Variants in TBCK observed in about 807,000 individuals in gnomAD.
The protein encoded by TBCK is TBC domain-containing protein kinase-like protein.
Under a neutral mutation model 113.4 loss-of-function variants are expected in TBCK, and 99 were observed. The observed-to-expected ratio is 0.87, with a 90% confidence interval of 0.74 to 1.03. The LOEUF is 1.03. Among genes scored for constraint, TBCK ranks in the 50% least tolerant of loss-of-function variants. TBCK has a pLI of 0.00. For synonymous variants in TBCK, 369 were observed against 370.8 expected, an observed-to-expected ratio of 1.00 and a Z score of 0.05; for missense variants, 1,045 against 1,061.3, an observed-to-expected ratio of 0.98 and a Z score of 0.21.
At chr4:106,162,842 A>G (rs1256980973) in intron 23 of TBCK, among the ~76,000 whole-genome samples, 1 of 152,164 alleles carries the variant, frequency 6.6e-6, no homozygotes, top group South Asian at 2.1e-4. Context: ...CTATGATGGG[A>G]GAGGCTGCTG....
intron 22 of TBCK, among the ~76,000 whole-genome samples, chr4:106,173,670 T>C (rs2149747411): frequency 6.6e-6 from 1 of 152,250 alleles, no homozygotes; most frequent in Middle Eastern, 3.4e-3. Flanking sequence ...ATCCCGATTC[T>C]ACCCTGATGG....
At chr4:106,171,064 G>C (rs1020566898) in intron 23 of TBCK, 31 bp downstream of exon 23, 6 of 1,539,104 alleles carry the variant, frequency 3.9e-6, no homozygotes, top group Non-Finnish European at 5.2e-6. Context: ...TCTCCTTTTA[G>C]AGTTTGTAAA....
chr4:106,248,077 A>G, intron 9 of TBCK, 168 bp downstream of exon 9: 1 of 421,168 alleles, frequency 2.4e-6, no homozygotes, highest in East Asian at 3.7e-5. Context: ...TTTTTCATTA[A>G]TTCACAAAAA....
At chr4:106,069,341 C>A (rs1737079574) in intron 25 of TBCK, among the ~76,000 whole-genome samples, 1 of 152,144 alleles carries the variant, frequency 6.6e-6, no homozygotes, top group Non-Finnish European at 1.5e-5. Flanking sequence ...AGGAAGGGAT[C>A]CAGTTTAAGC....
chr4:106,277,654 TA>T (rs1455792235), intron 3 of TBCK, among the ~76,000 whole-genome samples: 1 of 152,180 alleles, frequency 6.6e-6, no homozygotes, highest in East Asian at 1.9e-4. Flanking sequence ...AACCCACGAT[TA>T]AAAAATCAGA....
chr4:106,298,367 A>C (rs1052134300), intron 2 of TBCK, among the ~76,000 whole-genome samples: 2 of 151,978 alleles, frequency 1.3e-5, no homozygotes, highest in African/African-American at 4.8e-5. Flanking sequence ...TAATCCCAGC[A>C]CTTTGGGAGG....
In TBCK at chr4:106,080,265, G is replaced by A. The variant is rs79310985; in HGVS notation, c.2571+15217C>T. Among the ~76,000 whole-genome samples the A allele has an allele frequency of 9.9e-4, 150 of 151,624 alleles. 1 individual carries two copies. The East Asian group carries it at 0.021, about 21-fold the overall frequency. ...AAAACAAAGAGCCATCACACTTCCT[G>A]ACTTCAAATTATACTACAAGGCTAT... is the stretch of plus-strand genomic sequence containing the variant. On this transcript the variant is annotated intron_variant, in intron 25 of 25. Transcript: ENST00000394708.
intron 19 of TBCK, among the ~76,000 whole-genome samples, chr4:106,217,975 A>G (rs1194860381): frequency 1.4e-5 from 2 of 144,412 alleles, no homozygotes; most frequent in Non-Finnish European, 1.5e-5. Context: ...ACTATACTAC[A>G]AGGCTACAGT....
intron 24 of TBCK, among the ~76,000 whole-genome samples, chr4:106,110,713 G>T (rs992027956): frequency 6.6e-6 from 1 of 152,102 alleles, no homozygotes; most frequent in Non-Finnish European, 1.5e-5. Flanking sequence ...GCTTTAGTTA[G>T]GGTGGCTCTG....
upstream of TBCK, chr4:106,316,554 C>T (rs753547970): frequency 6.4e-6 from 10 of 1,551,622 alleles, no homozygotes; most frequent in East Asian, 4.9e-5. Flanking sequence ...CTACATGCTT[C>T]CTGCTGTGGC....
intron 3 of TBCK, among the ~76,000 whole-genome samples, chr4:106,277,671 A>C (rs1335150963): frequency 1.3e-5 from 2 of 152,172 alleles, no homozygotes. Flanking sequence ...TCAGAAAAGT[A>C]GTTGCTTGGA....
intron 23 of TBCK, among the ~76,000 whole-genome samples, chr4:106,129,611 T>C (rs1745640220): frequency 6.6e-6 from 1 of 151,654 alleles, no homozygotes; most frequent in South Asian, 2.1e-4. Flanking sequence ...AAATCCTGCT[T>C]TGTCAAAAAA....
At chr4:106,220,512 C>T (rs1757554051) in intron 19 of TBCK, among the ~76,000 whole-genome samples, 1 of 151,842 alleles carries the variant, frequency 6.6e-6, no homozygotes. Context: ...ACATATCCTA[C>T]ACAGAAGAGC....
chr4:106,252,165 C>T (rs912989525), intron 5 of TBCK, among the ~76,000 whole-genome samples, 158 bp from the exon 6 acceptor site: 2 of 151,960 alleles, frequency 1.3e-5, no homozygotes, highest in African/African-American at 4.8e-5. Flanking sequence ...TAATACAGAA[C>T]TTTAATGTCA....
chr4:106,128,884 A>C (rs7664973), intron 23 of TBCK, among the ~76,000 whole-genome samples: 1,734 of 152,300 alleles, frequency 0.011, 29 homozygotes, highest in African/African-American at 0.04. Flanking sequence ...ATCGTATGAT[A>C]TTGCATCAGG....
chr4:106,207,105 A>G (rs1158941635), intron 20 of TBCK, among the ~76,000 whole-genome samples: 1 of 152,208 alleles, frequency 6.6e-6, no homozygotes, highest in African/African-American at 2.4e-5. Context: ...CAAGACAAAA[A>G]TGATAAATAT....
chr4:106,284,946 G>A (rs1764969364), intron 3 of TBCK, among the ~76,000 whole-genome samples: 1 of 152,122 alleles, frequency 6.6e-6, no homozygotes, highest in Admixed American at 6.5e-5. Context: ...CACTAAATGT[G>A]AGATGACTTC....
intron 25 of TBCK, among the ~76,000 whole-genome samples, chr4:106,091,451 GGTGA>G (rs1740222732): frequency 6.6e-6 from 1 of 152,182 alleles, no homozygotes; most frequent in African/African-American, 2.4e-5. Flanking sequence ...GGACCCTTGT[GGTGA>G]GTGTTACAGT....
intron 23 of TBCK, among the ~76,000 whole-genome samples, chr4:106,170,462 G>A (rs1395746425): frequency 6.6e-6 from 1 of 152,016 alleles, no homozygotes; most frequent in Non-Finnish European, 1.5e-5. Flanking sequence ...TAATTTGATT[G>A]TGATGGAAAT....
Sources: gnomAD v4.1 joint callset for allele counts (sites outside exome capture counted in the v4.1 genomes callset) on GRCh38, gnomAD v4.1.1 for gene constraint, MANE v1.5 for transcripts, NCBI Gene and HGNC (gene_info 2026-07-23, HGNC 2026-07-21) for gene names.